Variants in RIT2 observed in about 807,000 individuals in gnomAD.
RIT2 encodes the protein GTP-binding protein Rit2.
RIT2 carries 24 observed loss-of-function variants against 23.7 expected under a neutral mutation model. The observed-to-expected ratio is 1.01, with a 90% CI of 0.73 to 1.43. The LOEUF is 1.43. Among genes scored for constraint, RIT2 ranks in the 40% most tolerant of loss-of-function variants. The pLI is 0.00. For synonymous variants in RIT2, 107 were observed against 91.1 expected, an observed-to-expected ratio of 1.17 and a Z score of -0.99; for missense variants, 236 against 266.9, an observed-to-expected ratio of 0.88 and a Z score of 0.81.
chr18:42,866,362 A>T, intron 4 of RIT2, among the ~76,000 whole-genome samples: 1 of 152,308 alleles, frequency 6.6e-6, no homozygotes, highest in Non-Finnish European at 1.5e-5. Flanking sequence ...TCTCACAGAC[A>T]AGTGGTCTGT....
intron 4 of RIT2, among the ~76,000 whole-genome samples, chr18:42,878,627 C>T (rs1286367537): frequency 1.3e-5 from 2 of 151,082 alleles, no homozygotes; most frequent in African/African-American, 2.4e-5. Flanking sequence ...TAATCAAACA[C>T]TGCAATTTCC....
At chr18:43,115,271 C>T (rs1914041546) in intron 1 of RIT2, 146 bp downstream of exon 1, 1 of 983,620 alleles carries the variant, frequency 1.0e-6, no homozygotes, top group Non-Finnish European at 1.5e-6. Flanking sequence ...AGTCCTGACA[C>T]TTTGGAGCAT....
intron 1 of RIT2, among the ~76,000 whole-genome samples, chr18:43,083,350 G>T (rs1316757223): frequency 6.6e-6 from 1 of 152,134 alleles, no homozygotes; most frequent in Non-Finnish European, 1.5e-5. Flanking sequence ...AGCTACCATT[G>T]ACTTTCTTCA....
intron 3 of RIT2, among the ~76,000 whole-genome samples, chr18:42,930,678 A>G (rs1672820855): frequency 6.6e-6 from 1 of 152,190 alleles, no homozygotes; most frequent in Non-Finnish European, 1.5e-5. Context: ...ACAGAGTTCT[A>G]CTTGTCTAGT....
intron 3 of RIT2, among the ~76,000 whole-genome samples, chr18:42,952,043 T>C (rs988570267): frequency 2.0e-5 from 3 of 152,104 alleles, no homozygotes; most frequent in African/African-American, 7.2e-5. Flanking sequence ...GTATTCACTG[T>C]CACAAGAACA....
intron 1 of RIT2, among the ~76,000 whole-genome samples, chr18:43,082,697 A>G (rs1050054930): frequency 6.6e-6 from 1 of 151,860 alleles, no homozygotes; most frequent in Non-Finnish European, 1.5e-5. Flanking sequence ...GCAAAAAAAA[A>G]CACACAATAA....
At chr18:42,799,457 T>C (rs575700590) in intron 4 of RIT2, among the ~76,000 whole-genome samples, 11 of 152,234 alleles carry the variant, frequency 7.2e-5, no homozygotes, top group African/African-American at 9.6e-5. Context: ...GCTCTTCCCA[T>C]AGCCCAAGCT....
At chr18:43,070,206 T>A (rs1012583593) in intron 1 of RIT2, among the ~76,000 whole-genome samples, 2 of 152,124 alleles carry the variant, frequency 1.3e-5, no homozygotes, top group African/African-American at 2.4e-5. Context: ...AGGAAGCATA[T>A]CACCATATTG....
intron 1 of RIT2, among the ~76,000 whole-genome samples, chr18:43,059,107 T>G (rs1273554635): frequency 6.6e-6 from 1 of 152,062 alleles, no homozygotes; most frequent in East Asian, 1.9e-4. Flanking sequence ...CTCTATATTT[T>G]TTTTTTCCAA....
intron 1 of RIT2, among the ~76,000 whole-genome samples, chr18:43,093,941 A>G (rs1423156705): frequency 1.3e-5 from 2 of 152,024 alleles, no homozygotes; most frequent in Non-Finnish European, 2.9e-5. Flanking sequence ...GCAAAGTTGA[A>G]AATGAAAGCC....
At position 42,771,439 on chromosome 18, in the gene RIT2, A is replaced by G. The variant is rs554049980; in HGVS notation, c.427-27719T>C. 3.3e-5 allele frequency among the ~76,000 whole-genome samples: 5 copies of G among 152,318 alleles called. No homozygotes were observed. In the South Asian group the frequency reaches 8.3e-4, roughly 25 times the overall value. On this transcript the variant is annotated intron_variant, in intron 4 of 4. Transcript: ENST00000326695. The stretch of plus-strand genomic sequence containing the variant: ...TAAAAGCATAAATTCTTGTACTTAC[A>G]TATCTGTAATGAAATCTCATAATCA...
At chr18:43,078,701 C>G (rs894565417) in intron 1 of RIT2, among the ~76,000 whole-genome samples, 1 of 152,170 alleles carries the variant, frequency 6.6e-6, no homozygotes, top group Non-Finnish European at 1.5e-5. Context: ...TCCCAGACTC[C>G]CGCTTCCCGG....
At chr18:42,810,592 C>T (rs1197720096) in intron 4 of RIT2, among the ~76,000 whole-genome samples, 1 of 151,914 alleles carries the variant, frequency 6.6e-6, no homozygotes, top group Non-Finnish European at 1.5e-5. Flanking sequence ...CTGCAATGAC[C>T]AGTCCATTAA....
chr18:42,745,130 A>G (rs940904293), intron 4 of RIT2, among the ~76,000 whole-genome samples: 15 of 152,150 alleles, frequency 9.9e-5, no homozygotes, highest in Non-Finnish European at 2.1e-4. Context: ...AGTGGATTCT[A>G]TGTTCCTATA....
At chr18:42,768,377 G>C (rs764225955) in intron 4 of RIT2, among the ~76,000 whole-genome samples, 13 of 152,076 alleles carry the variant, frequency 8.5e-5, no homozygotes, top group South Asian at 2.1e-4. Flanking sequence ...AGAAGTTCAA[G>C]GTTTCCATGG....
intron 4 of RIT2, among the ~76,000 whole-genome samples, chr18:42,799,187 A>G (rs1007279809): frequency 2.0e-5 from 3 of 152,186 alleles, no homozygotes; most frequent in Admixed American, 6.5e-5. Flanking sequence ...CCTACCCCAA[A>G]GCCCCCAGTG....
chr18:42,841,891 A>G (rs537821382), intron 4 of RIT2, among the ~76,000 whole-genome samples: 2 of 152,204 alleles, frequency 1.3e-5, no homozygotes, highest in Non-Finnish European at 2.9e-5. Context: ...TCAGCACTCA[A>G]GAGCTTTGTC....
In RIT2 at chr18:43,115,404, T is replaced by C; in HGVS notation, c.103+13A>G. ...AGGTCCCTCCTTCCCCAGCATTTGGTGTGAAAACTTACCGCTTTTACCAAC... is the reference window on the plus strand; with the variant it reads ...AGGTCCCTCCTTCCCCAGCATTTGGCGTGAAAACTTACCGCTTTTACCAAC... On this transcript the variant is annotated intron_variant, in intron 1 of 4. Coordinates refer to ENST00000326695, the MANE Select transcript of RIT2 (RefSeq NM_002930.4). 5 of 1,613,188 alleles carry C rather than the reference T, an allele frequency of 3.1e-6. No individual in the cohort carries two copies. The highest frequency in any genetic ancestry group is 1.1e-5 in the South Asian group (1 of 90,980).
At chr18:42,796,090 T>C (rs557692523) in intron 4 of RIT2, among the ~76,000 whole-genome samples, 2 of 152,100 alleles carry the variant, frequency 1.3e-5, no homozygotes, top group Non-Finnish European at 2.9e-5. Flanking sequence ...TTCCACACTG[T>C]GGAAGCTTTG....
Sources: allele counts gnomAD v4.1 joint callset (sites outside exome capture counted in the v4.1 genomes callset), GRCh38; gene constraint gnomAD v4.1.1; transcripts MANE v1.5; gene names NCBI Gene and HGNC (gene_info 2026-07-23, HGNC 2026-07-21).